Variants in SHISA9 observed in about 807,000 individuals in gnomAD.
SHISA9 encodes shisa family member 9.
SHISA9 carries 13 observed loss-of-function variants against 38.0 expected under a neutral mutation model. The observed-to-expected ratio is 0.34, with a 90% CI of 0.22 to 0.54. The LOEUF (loss-of-function observed/expected upper bound fraction) is 0.54. Ranked by LOEUF, SHISA9 falls within the 20% of genes least tolerant of loss-of-function variation. The pLI is 0.91. For missense variants in SHISA9, 538 were observed against 575.8 expected, an observed-to-expected ratio of 0.93 and a Z score of 0.67; for synonymous variants, 275 against 242.0, an observed-to-expected ratio of 1.14 and a Z score of -1.27.
intron 2 of SHISA9, among the ~76,000 whole-genome samples, chr16:13,095,990 A>G (rs1477578613): frequency 1.3e-5 from 2 of 152,220 alleles, no homozygotes; most frequent in Non-Finnish European, 1.5e-5. Flanking sequence ...TCCAAGGGCC[A>G]TATTTTGAGA....
At chr16:13,303,612 C>T in the SHISA9 span, among the ~76,000 whole-genome samples, 1 of 152,154 alleles carries the variant, frequency 6.6e-6, no homozygotes, top group Non-Finnish European at 1.5e-5. Context: ...TGGAGAATAA[C>T]TGCTTAAAGG....
the SHISA9 span, among the ~76,000 whole-genome samples, chr16:13,314,920 T>C: frequency 1.3e-5 from 2 of 152,194 alleles, no homozygotes; most frequent in Admixed American, 1.3e-4. Context: ...GAACCTGTAG[T>C]TGACAATACT....
chr16:13,421,734 A>G, the SHISA9 span, among the ~76,000 whole-genome samples: 2 of 152,236 alleles, frequency 1.3e-5, no homozygotes, highest in Non-Finnish European at 2.9e-5. Flanking sequence ...TATTTGACAC[A>G]CAGTAAGTAT....
chr16:13,478,011 C>A, the SHISA9 span, among the ~76,000 whole-genome samples: 1 of 152,166 alleles, frequency 6.6e-6, no homozygotes. Flanking sequence ...TTGGTTTTCT[C>A]TCCCTCTTAT....
At chr16:13,046,169 T>C (rs954598342) in intron 2 of SHISA9, among the ~76,000 whole-genome samples, 4 of 152,200 alleles carry the variant, frequency 2.6e-5, no homozygotes, top group African/African-American at 9.6e-5. Context: ...ACTGACTGTG[T>C]ATTTATTACA....
chr16:13,219,141 G>T (rs191784424), intron 4 of SHISA9, among the ~76,000 whole-genome samples: 1 of 152,152 alleles, frequency 6.6e-6, no homozygotes, highest in Non-Finnish European at 1.5e-5. Context: ...AAATGAATGC[G>T]CAAAGAGGGT....
chr16:13,104,424 AAT>A (rs1375256034), intron 2 of SHISA9, among the ~76,000 whole-genome samples: 1 of 152,222 alleles, frequency 6.6e-6, no homozygotes, highest in South Asian at 2.1e-4. Flanking sequence ...CATTATTTAT[AAT>A]AGTCCAAAGT....
intron 2 of SHISA9, among the ~76,000 whole-genome samples, chr16:13,004,871 G>A (rs997018324): frequency 1.3e-5 from 2 of 150,192 alleles, no homozygotes; most frequent in African/African-American, 4.9e-5. Flanking sequence ...GGCAGAGGTT[G>A]CAGTGAGCCT....
chr16:13,319,112 A>G, the SHISA9 span, among the ~76,000 whole-genome samples: 1 of 152,202 alleles, frequency 6.6e-6, no homozygotes, highest in African/African-American at 2.4e-5. Flanking sequence ...GGTTCAAGTG[A>G]TTCTCCTGCC....
chr16:13,291,914 T>C, the SHISA9 span, among the ~76,000 whole-genome samples: 1 of 152,184 alleles, frequency 6.6e-6, no homozygotes, highest in Non-Finnish European at 1.5e-5. Flanking sequence ...TGCTAAGAGA[T>C]AGGGAGAAAA....
chr16:13,240,957 T>C (rs1384705513), downstream of SHISA9, among the ~76,000 whole-genome samples: 1 of 148,478 alleles, frequency 6.7e-6, no homozygotes, highest in African/African-American at 2.5e-5. Context: ...GGGTGGGAGG[T>C]TCAATAAGGA....
At chr16:13,010,706 C>T (rs2072661619) in intron 2 of SHISA9, among the ~76,000 whole-genome samples, 1 of 152,140 alleles carries the variant, frequency 6.6e-6, no homozygotes, top group Non-Finnish European at 1.5e-5. Context: ...TAATCCAGCA[C>T]TTTGGGAGGC....
intron 2 of SHISA9, among the ~76,000 whole-genome samples, chr16:12,943,126 G>A (rs527276064): frequency 2.6e-5 from 4 of 152,036 alleles, no homozygotes; most frequent in Non-Finnish European, 4.4e-5. Context: ...ATGATAGGTC[G>A]CATGCCCATT....
At chr16:12,921,075 G>T (rs2071321953) in intron 2 of SHISA9, among the ~76,000 whole-genome samples, 1 of 152,178 alleles carries the variant, frequency 6.6e-6, no homozygotes. Flanking sequence ...CCAGTTGTTG[G>T]TCTGACTGTG....
the SHISA9 span, among the ~76,000 whole-genome samples, chr16:13,301,908 C>G: frequency 6.6e-6 from 1 of 152,134 alleles, no homozygotes; most frequent in South Asian, 2.1e-4. Flanking sequence ...TTACTGTGAA[C>G]AGGAGAAAGA....
At chr16:13,040,421 C>T (rs2073120498) in intron 2 of SHISA9, among the ~76,000 whole-genome samples, 1 of 152,190 alleles carries the variant, frequency 6.6e-6, no homozygotes, top group Non-Finnish European at 1.5e-5. Flanking sequence ...ATTCAGATTT[C>T]AGCTCAAATG....
chr16:12,962,533 G>T (rs1425300546), intron 2 of SHISA9, among the ~76,000 whole-genome samples: 1 of 152,186 alleles, frequency 6.6e-6, no homozygotes, highest in Non-Finnish European at 1.5e-5. Flanking sequence ...TCCCATGAGG[G>T]AATTAGTGCC....
the SHISA9 span, among the ~76,000 whole-genome samples, chr16:13,404,646 A>G: frequency 6.6e-6 from 1 of 152,154 alleles, no homozygotes; most frequent in Admixed American, 6.5e-5. Flanking sequence ...CATCCTTGTG[A>G]GCTATGCTAG....
rs940625300 is a variant in SHISA9, at chr16:13,087,507, T to A, written c.692-115887T>A. Among the ~76,000 whole-genome samples, 5 of 152,340 alleles carry A rather than the reference T, an allele frequency of 3.3e-5. No individual in the cohort carries two copies. In the South Asian group the frequency reaches 8.3e-4, roughly 25 times the overall value. On this transcript the variant is annotated intron_variant, in intron 2 of 4. Transcript: ENST00000558583. Reference sequence around the variant, plus strand: ...CATCTGTTGTTTCCTGACTTTTTAATGATCGCCATTCTAAATGGTGTGAGA... The same window carrying A: ...CATCTGTTGTTTCCTGACTTTTTAAAGATCGCCATTCTAAATGGTGTGAGA...
Sources: gnomAD v4.1 joint callset for allele counts (sites outside exome capture counted in the v4.1 genomes callset) on GRCh38, gnomAD v4.1.1 for gene constraint, MANE v1.5 for transcripts, NCBI Gene and HGNC (gene_info 2026-07-23, HGNC 2026-07-21) for gene names.